The following USP45 variants were observed in gnomAD, a reference collection of about 807,000 sequenced individuals.
USP45 encodes the protein ubiquitin specific peptidase 45.
USP45 carries 89 observed loss-of-function variants against 95.8 expected under a neutral mutation model. The ratio of observed to expected loss-of-function variants is 0.93; its 90% CI spans 0.78 to 1.11. The LOEUF (loss-of-function observed/expected upper bound fraction) is 1.11, where lower values mean the gene tolerates loss of function less well. Ranked by LOEUF, USP45 falls within the 50% of genes least tolerant of loss-of-function variation. The pLI, the probability that USP45 is intolerant of heterozygous loss-of-function variation, is 0.00. For missense variants in USP45, 898 were observed against 942.5 expected (o/e 0.95, Z 0.62); for synonymous variants, 281 against 316.2 (o/e 0.89, Z 1.18).
intron 17 of USP45, among the ~76,000 whole-genome samples, chr6:99,436,854 C>A (rs935351770): frequency 7.2e-5 from 11 of 152,072 alleles, no homozygotes; most frequent in Non-Finnish European, 1.5e-4. Flanking sequence ...AATCCCAGCA[C>A]TTTGGGAGGC....
At chr6:99,498,982 C>T (rs1268777005) in intron 5 of USP45, among the ~76,000 whole-genome samples, 1 of 152,056 alleles carries the variant, frequency 6.6e-6, no homozygotes, top group Non-Finnish European at 1.5e-5. Context: ...CGTTGTGTTG[C>T]CCAGGATGGT....
At chr6:99,447,493 A>G (rs1341373679) in intron 13 of USP45, among the ~76,000 whole-genome samples, 1 of 152,172 alleles carries the variant, frequency 6.6e-6, no homozygotes, top group Non-Finnish European at 1.5e-5. Context: ...TTGGAAACAA[A>G]CTTTCCTATT....
chr6:99,502,271 C>T (rs1429746561), intron 5 of USP45, among the ~76,000 whole-genome samples: 1 of 152,192 alleles, frequency 6.6e-6, no homozygotes, highest in Non-Finnish European at 1.5e-5. Context: ...TGGGACCCTC[C>T]CCAGACTTTG....
chr6:99,513,336 C>T (rs7753232), intron 1 of USP45, among the ~76,000 whole-genome samples: 129,752 of 152,178 alleles, frequency 0.85, 56,047 homozygotes, highest in East Asian at 1. Flanking sequence ...TCACTTTCCT[C>T]AAACCTCTAA....
intron 13 of USP45, among the ~76,000 whole-genome samples, chr6:99,453,188 A>G (rs1784296415): frequency 6.6e-6 from 1 of 150,892 alleles, no homozygotes; most frequent in South Asian, 2.1e-4. Flanking sequence ...AAAAAAAAAC[A>G]TAAAAGGCAT....
chr6:99,484,517 G>A (rs1793347248), intron 7 of USP45, among the ~76,000 whole-genome samples: 1 of 152,014 alleles, frequency 6.6e-6, no homozygotes, highest in Non-Finnish European at 1.5e-5. Flanking sequence ...TGCTTTTCTG[G>A]GCTGGATGCC....
chr6:99,435,516 T>C lies in USP45; in HGVS notation c.*200A>G. On this transcript the variant is annotated 3_prime_UTR_variant, in exon 18 of 18. Transcript: ENST00000500704. ...TAAATACCTGGAAACAAAATTCACA[T>C]TTATTTTAAGACTATGAATTTTAAA... is the stretch of plus-strand genomic sequence containing the variant. 1 of 409,106 alleles carries C rather than the reference T, an allele frequency of 2.4e-6. No individual in the cohort carries two copies. Among genetic ancestry groups the C allele is most frequent in the Non-Finnish European group, 4.2e-6 (1 of 238,832 alleles). 25.3% of individuals were successfully genotyped at this position (409,106 alleles called of 1,614,324 possible).
intron 7 of USP45, among the ~76,000 whole-genome samples, chr6:99,487,911 A>C (rs894468529): frequency 5.0e-4 from 76 of 152,304 alleles, no homozygotes; most frequent in Admixed American, 3.8e-3. Flanking sequence ...GGTTATAGGC[A>C]TTTTGCTCAA....
At chr6:99,489,092 C>T (rs987963072) in intron 5 of USP45, among the ~76,000 whole-genome samples, 1 of 152,030 alleles carries the variant, frequency 6.6e-6, no homozygotes, top group African/African-American at 2.4e-5. Flanking sequence ...AAAGAACAGT[C>T]GAGAACAAGT....
intron 10 of USP45, among the ~76,000 whole-genome samples, chr6:99,467,141 T>C (rs975977750): frequency 2.6e-5 from 4 of 152,082 alleles, no homozygotes; most frequent in Non-Finnish European, 4.4e-5. Flanking sequence ...ATCACGGCTA[T>C]GAAAATAACA....
upstream of USP45, among the ~76,000 whole-genome samples, chr6:99,516,077 C>T (rs2128846979): frequency 1.3e-5 from 2 of 152,172 alleles, no homozygotes; most frequent in Non-Finnish European, 2.9e-5. Context: ...GCGCCCGGCT[C>T]CGCCCCCACA....
intron 5 of USP45, among the ~76,000 whole-genome samples, chr6:99,500,000 G>A (rs1797054324): frequency 6.6e-6 from 1 of 152,112 alleles, no homozygotes. Context: ...ATTCCCTGAA[G>A]CACCTTGGAA....
intron 8 of USP45, among the ~76,000 whole-genome samples, chr6:99,480,007 C>T (rs985975143): frequency 3.3e-5 from 5 of 152,226 alleles, no homozygotes; most frequent in African/African-American, 1.2e-4. Flanking sequence ...GAAATACCAA[C>T]GAATCAACAT....
rs918945287 is a variant in USP45 at position 99,434,808 on chromosome 6, C to T, written c.*908G>A. On this transcript the variant is annotated 3_prime_UTR_variant, in exon 18 of 18. Transcript: ENST00000500704. ...TTATATTTCAAAGCTATCCTATGGT[C>T]CTATATGGATTATCAACTTCTAATT... 1.3e-5 allele frequency: 2 copies of T among 152,126 alleles called. No individual in the cohort carries two copies. The highest frequency in any genetic ancestry group is 2.9e-5 in the Non-Finnish European group (2 of 67,994). 9.4% of individuals were successfully genotyped at this position (152,126 alleles called of 1,614,324 possible). A position where few individuals can be genotyped will look rare whatever the true frequency, so the allele number is the denominator to read the frequency against.
At chr6:99,444,646 T>C (rs1056223438) in intron 14 of USP45, among the ~76,000 whole-genome samples, 3 of 152,176 alleles carry the variant, frequency 2.0e-5, no homozygotes, top group African/African-American at 7.2e-5. Flanking sequence ...ACCTGATAAC[T>C]AGAGACAGCT....
intron 7 of USP45, among the ~76,000 whole-genome samples, chr6:99,483,564 C>T (rs1434215719): frequency 1.3e-5 from 2 of 152,116 alleles, no homozygotes; most frequent in African/African-American, 2.4e-5. Flanking sequence ...TCCGGCCGGG[C>T]GCGGTGGCTC....
intron 5 of USP45, among the ~76,000 whole-genome samples, chr6:99,500,252 G>A (rs1046947807): frequency 1.3e-5 from 2 of 152,104 alleles, no homozygotes; most frequent in Admixed American, 1.3e-4. Context: ...AGCCTCCTGA[G>A]TAGCTGGCGT....
At chr6:99,458,591 G>T (rs1250161473) in intron 13 of USP45, among the ~76,000 whole-genome samples, 1 of 152,134 alleles carries the variant, frequency 6.6e-6, no homozygotes, top group East Asian at 1.9e-4. Context: ...TATGATCTTA[G>T]GCATGTTATT....
chr6:99,513,423 A>T (rs1800386353), intron 1 of USP45, among the ~76,000 whole-genome samples: 1 of 152,214 alleles, frequency 6.6e-6, no homozygotes, highest in Admixed American at 6.5e-5. Flanking sequence ...GCAGACGGCA[A>T]ATTTGATCTT....
Sources: gnomAD v4.1 joint callset for allele counts (sites outside exome capture counted in the v4.1 genomes callset) on GRCh38, gnomAD v4.1.1 for gene constraint, MANE v1.5 for transcripts, NCBI Gene and HGNC (gene_info 2026-07-23, HGNC 2026-07-21) for gene names.